ZMAT1: variants seen among roughly 807,000 people sequenced by gnomAD.
ZMAT1 encodes the protein zinc finger matrin-type 1.
In ZMAT1, 11 loss-of-function variants were observed where a neutral mutation model predicts 18.5. The observed-to-expected ratio is 0.59, with a 90% confidence interval of 0.37 to 0.98. The LOEUF is 0.98. Ranked by LOEUF, ZMAT1 falls within the 50% of genes least tolerant of loss-of-function variation. The pLI, the probability that ZMAT1 is intolerant of heterozygous loss-of-function variation, is 0.01. For synonymous variants in ZMAT1, 211 were observed against 176.4 expected, an observed-to-expected ratio of 1.20 and a Z score of -1.55; for missense variants, 525 against 496.2, an observed-to-expected ratio of 1.06 and a Z score of -0.55.
intron 1 of ZMAT1, among the ~76,000 whole-genome samples, chrX:101,915,851 G>C (rs1169378267): frequency 8.9e-6 from 1 of 112,109 alleles, no homozygotes; most frequent in Non-Finnish European, 1.9e-5. Context: ...TAAGGATCTA[G>C]AACGAGAAAT....
At chrX:101,913,128 A>G (rs1929072168) in intron 1 of ZMAT1, among the ~76,000 whole-genome samples, 1 of 111,862 alleles carries the variant, frequency 8.9e-6, no homozygotes, top group Admixed American at 9.5e-5. Context: ...ATGAGTTGTA[A>G]GTTATAAGAA....
intron 1 of ZMAT1, chrX:101,911,605 C>A (rs1481434824): frequency 1.7e-6 from 2 of 1,177,322 alleles, no homozygotes; most frequent in Non-Finnish European, 2.3e-6. Flanking sequence ...GGCATTCAGT[C>A]ACAGCTTGTC....
chrX:101,908,317 C>T (rs756535946), intron 1 of ZMAT1, among the ~76,000 whole-genome samples: 3 of 111,647 alleles, frequency 2.7e-5, no homozygotes, highest in South Asian at 7.5e-4. Context: ...ATCTTTAATA[C>T]GAATAAGTAA....
chrX:101,883,999 T>C lies in ZMAT1; in HGVS notation c.1599A>G (p.Lys533=). The C allele has an allele frequency of 8.3e-7, 1 of 1,210,792 alleles. No individual in the cohort carries two copies. The highest frequency in any genetic ancestry group is 1.1e-6 in the Non-Finnish European group (1 of 895,189). ...LPHCLPAHDS[K]QRLDSISYCQ... Reference sequence around the variant, plus strand: ...AGTAGCTAATAGAATCTAGTCTCTGTTTGCTATCATGAGCTGGTAAGCAAT... The same window carrying C: ...AGTAGCTAATAGAATCTAGTCTCTGCTTGCTATCATGAGCTGGTAAGCAAT... The change falls in exon 6 of 6, where the codon AAA becomes AAG. Residue 533 remains lysine, a synonymous_variant. Transcript: ENST00000651725.
Position 101,931,978 on chromosome X carries a change from G to A in ZMAT1, c.31C>T (p.Leu11=), listed in dbSNP as rs1010999736. MAAAPSTVTP[L]AAESSPQEAT... The stretch of plus-strand genomic sequence containing the variant: ...TCCTGAGGGGAAGACTCCGCCGCCA[G>A]CGGGGTGACTGTGCTCGGCGCCGCC... The change falls in exon 1 of 6, where the codon CTG becomes TTG. Residue 11 remains leucine (L), a synonymous_variant. Coordinates refer to ENST00000651725, the MANE Select transcript of ZMAT1 (RefSeq NM_001394560.1). 3.0e-5 allele frequency: 23 copies of A among 771,730 alleles called. No individual in the cohort carries two copies. In the East Asian group the frequency reaches 2.7e-3, roughly 90 times the overall value. 63.6% of individuals were successfully genotyped at this position (771,730 alleles called of 1,213,427 possible).
At chrX:101,926,095 G>A (rs113557313) in intron 1 of ZMAT1, among the ~76,000 whole-genome samples, 9 of 112,062 alleles carry the variant, frequency 8.0e-5, no homozygotes, top group African/African-American at 2.6e-4. Flanking sequence ...AGACTCAGGT[G>A]GATTTGGTCT....
chrX:101,931,688 C>T (rs1356942704), intron 1 of ZMAT1, 29 bp downstream of exon 1: 2 of 757,201 alleles, frequency 2.6e-6, no homozygotes, highest in Non-Finnish European at 3.1e-6. Context: ...GAGATGGGGC[C>T]GCCCCCGCAC....
intron 4 of ZMAT1, 124 bp from the exon 5 acceptor site, chrX:101,886,855 G>T: frequency 2.1e-6 from 1 of 486,589 alleles, no homozygotes; most frequent in African/African-American, 2.4e-5. Context: ...TAAAGATGGG[G>T]CCCAGAGAGG....
intron 1 of ZMAT1, chrX:101,911,892 C>G (rs1050217448): frequency 8.3e-7 from 1 of 1,206,685 alleles, no homozygotes; most frequent in Non-Finnish European, 1.1e-6. Flanking sequence ...CATGAAAGGA[C>G]GCACACTGGG....
At chrX:101,901,676 T>C (rs1001409068) in intron 2 of ZMAT1, among the ~76,000 whole-genome samples, 1 of 111,688 alleles carries the variant, frequency 9.0e-6, no homozygotes, top group East Asian at 2.8e-4. Context: ...CTGATTTCCT[T>C]TCATGCTTTT....
intron 1 of ZMAT1, among the ~76,000 whole-genome samples, chrX:101,907,663 T>C (rs1389247972): frequency 8.9e-6 from 1 of 112,063 alleles, no homozygotes; most frequent in Non-Finnish European, 1.9e-5. Context: ...AAATAGAGAA[T>C]TTAATGAAAT....
intron 1 of ZMAT1, among the ~76,000 whole-genome samples, chrX:101,913,431 T>C (rs781323295): frequency 9.0e-6 from 1 of 111,664 alleles, no homozygotes; most frequent in South Asian, 3.8e-4. Context: ...CACTGATCTG[T>C]TGCCTAGAGG....
chrX:101,904,174 C>T (rs1450653292), intron 2 of ZMAT1, 50 bp downstream of exon 2: 1 of 922,908 alleles, frequency 1.1e-6, no homozygotes, highest in Non-Finnish European at 1.5e-6. Flanking sequence ...AGTTTACTTG[C>T]TACATTTAAA....
intron 4 of ZMAT1, among the ~76,000 whole-genome samples, chrX:101,892,212 A>C (rs962366474): frequency 2.7e-5 from 3 of 111,553 alleles, no homozygotes; most frequent in African/African-American, 9.8e-5. Flanking sequence ...AAACATACCC[A>C]ATCTCTATAG....
At chrX:101,893,255 C>T in intron 4 of ZMAT1, among the ~76,000 whole-genome samples, 1 of 111,644 alleles carries the variant, frequency 9.0e-6, no homozygotes, top group Non-Finnish European at 1.9e-5. Flanking sequence ...ACACACTTCT[C>T]ATAGTTAACT....
chrX:101,916,088 G>T (rs1383834511), intron 1 of ZMAT1, among the ~76,000 whole-genome samples: 2 of 111,669 alleles, frequency 1.8e-5, no homozygotes, highest in African/African-American at 6.5e-5. Context: ...CATGTTCTTT[G>T]CAGGGACATG....
intron 1 of ZMAT1, among the ~76,000 whole-genome samples, chrX:101,919,634 G>A (rs1341660661): frequency 9.0e-6 from 1 of 111,524 alleles, no homozygotes; most frequent in Non-Finnish European, 1.9e-5. Context: ...GACACAAGAA[G>A]GTACAGTGTG....
chrX:101,906,441 A>G (rs1200036984), intron 1 of ZMAT1, among the ~76,000 whole-genome samples: 1 of 108,735 alleles, frequency 9.2e-6, no homozygotes, highest in East Asian at 3.0e-4. Context: ...GAGCTAATAT[A>G]GGCCCCAAGA....
chrX:101,917,500 CCT>C (rs1929414324), intron 1 of ZMAT1, among the ~76,000 whole-genome samples: 1 of 112,214 alleles, frequency 8.9e-6, no homozygotes, highest in Non-Finnish European at 1.9e-5. Context: ...ACATCTCACC[CCT>C]GTTAAAATGG....
Sources: gnomAD v4.1 joint callset for allele counts (sites outside exome capture counted in the v4.1 genomes callset) on GRCh38, gnomAD v4.1.1 for gene constraint, MANE v1.5 for transcripts, NCBI Gene and HGNC (gene_info 2026-07-23, HGNC 2026-07-21) for gene names.